PRKG1: variants seen among roughly 807,000 people sequenced by gnomAD.
PRKG1 encodes the protein protein kinase cGMP-dependent 1.
Under a neutral mutation model 88.1 loss-of-function variants are expected in PRKG1, and 35 were observed. The observed-to-expected ratio is 0.40, with a 90% CI of 0.30 to 0.53. The LOEUF is 0.53. Ranked by LOEUF, PRKG1 falls within the 20% of genes least tolerant of loss-of-function variation. The probability of loss-of-function intolerance (pLI) is 0.59; values close to 1 mark genes in which losing one functional copy is unlikely to be tolerated. For synonymous variants in PRKG1, 303 were observed against 292.5 expected (o/e 1.04, Z -0.37); for missense variants, 540 against 839.8 (o/e 0.64, Z 4.41).
At chr10:52,154,919 C>A (rs1838048862) in intron 8 of PRKG1, among the ~76,000 whole-genome samples, 1 of 152,130 alleles carries the variant, frequency 6.6e-6, no homozygotes, top group Admixed American at 6.6e-5. Flanking sequence ...TGAGTTACCT[C>A]ACTTAGAATA....
intron 4 of PRKG1, among the ~76,000 whole-genome samples, chr10:51,855,187 C>A (rs1840649203): frequency 6.6e-6 from 1 of 152,100 alleles, no homozygotes. Context: ...TTCAAAGGAT[C>A]CTGCTGTACT....
intron 3 of PRKG1, among the ~76,000 whole-genome samples, chr10:51,731,876 C>A (rs1349636885): frequency 6.7e-6 from 1 of 150,334 alleles, no homozygotes; most frequent in African/African-American, 2.4e-5. Context: ...GGATTGGTTT[C>A]TTCTGAGGCC....
intron 1 of PRKG1, among the ~76,000 whole-genome samples, chr10:50,992,277 A>G (rs535742061): frequency 6.6e-6 from 1 of 152,270 alleles, no homozygotes; most frequent in South Asian, 2.1e-4. Flanking sequence ...GGAGAGGTTT[A>G]TTCACAGGGT....
rs532815967 is a variant in PRKG1, at chr10:51,768,009, TA to T, written c.593-36566del. On this transcript the variant is annotated intron_variant, in intron 3 of 17. Coordinates refer to ENST00000373980, the MANE Select transcript of PRKG1 (RefSeq NM_006258.4). ...TAGGTAAAGGCATTTTGCTGTTAAT[TA>T]AAAAAAAAATAAATAAATAAAAAAA... 3.4e-3 allele frequency among the ~76,000 whole-genome samples: 494 copies of T among 146,142 alleles called. 2 individuals carry two copies. Among genetic ancestry groups the T allele is most frequent in the African/African-American group, 9.9e-3 (382 of 38,410 alleles).
chr10:51,060,149 GATTAT>G (rs938372576), intron 1 of PRKG1, among the ~76,000 whole-genome samples: 193 of 151,924 alleles, frequency 1.3e-3, no homozygotes, highest in African/African-American at 4.5e-3. Flanking sequence ...TTTGTGTTTG[GATTAT>G]ATTTACCATT....
At chr10:51,658,598 A>C (rs1840219867) in intron 3 of PRKG1, among the ~76,000 whole-genome samples, 1 of 152,076 alleles carries the variant, frequency 6.6e-6, no homozygotes, top group Non-Finnish European at 1.5e-5. Context: ...AATTCATCTA[A>C]AACTCATTCT....
chr10:51,793,037 GA>G (rs1024539766), intron 3 of PRKG1, among the ~76,000 whole-genome samples: 14 of 129,480 alleles, frequency 1.1e-4, no homozygotes, highest in Non-Finnish European at 1.3e-4. Flanking sequence ...ATTATTAAGT[GA>G]AAAAAAAAGG....
chr10:51,098,081 C>A (rs1426743494), intron 1 of PRKG1, among the ~76,000 whole-genome samples: 1 of 152,130 alleles, frequency 6.6e-6, no homozygotes, highest in Non-Finnish European at 1.5e-5. Context: ...TCATTAATTT[C>A]TCTTTTATTA....
rs549910335 is a variant in PRKG1, at chr10:51,688,924, G to A, written c.593-115661G>A. 1.6e-4 allele frequency among the ~76,000 whole-genome samples: 24 copies of A among 152,166 alleles called. No individual in the cohort carries two copies. In the South Asian group the frequency reaches 4.8e-3, roughly 30 times the overall value. On this transcript the variant is annotated intron_variant, in intron 3 of 17. Coordinates refer to ENST00000373980, the MANE Select transcript of PRKG1 (RefSeq NM_006258.4). ...CATGTGTTGTGGGAGGTACCTGGTGGGAGATGACTGAATCATGGGGGTGGT... is the reference window on the plus strand; with the variant it reads ...CATGTGTTGTGGGAGGTACCTGGTGAGAGATGACTGAATCATGGGGGTGGT...
At chr10:51,723,554 T>C (rs912662288) in intron 3 of PRKG1, among the ~76,000 whole-genome samples, 8 of 151,986 alleles carry the variant, frequency 5.3e-5, no homozygotes, top group African/African-American at 9.7e-5. Flanking sequence ...CAAACCACCA[T>C]GGCATGTGTA....
chr10:52,219,430 T>C (rs963660382), intron 9 of PRKG1, among the ~76,000 whole-genome samples: 2 of 152,174 alleles, frequency 1.3e-5, no homozygotes, highest in Non-Finnish European at 2.9e-5. Flanking sequence ...TGAGGTAGGA[T>C]ATAAATATTA....
intron 3 of PRKG1, among the ~76,000 whole-genome samples, chr10:51,496,013 T>G (rs1367748786): frequency 6.6e-6 from 1 of 152,200 alleles, no homozygotes; most frequent in South Asian, 2.1e-4. Context: ...TACCTTAGAT[T>G]TTTTTAACCA....
chr10:51,303,070 T>G (rs1053607345), intron 2 of PRKG1, among the ~76,000 whole-genome samples: 8 of 152,034 alleles, frequency 5.3e-5, no homozygotes, highest in Non-Finnish European at 1.0e-4. Flanking sequence ...TTAAGATTGG[T>G]TTGAAAACTG....
At chr10:51,555,986 G>A (rs1837300159) in intron 3 of PRKG1, among the ~76,000 whole-genome samples, 3 of 151,788 alleles carry the variant, frequency 2.0e-5, no homozygotes, top group Non-Finnish European at 4.4e-5. Context: ...AAAGAAAGGG[G>A]GAACAGAGAA....
intron 3 of PRKG1, among the ~76,000 whole-genome samples, chr10:51,722,754 A>G (rs1387748426): frequency 2.0e-5 from 3 of 152,248 alleles, no homozygotes; most frequent in Non-Finnish European, 4.4e-5. Flanking sequence ...ATTTATATTT[A>G]GAATTCTATC....
At chr10:51,265,871 A>C (rs57636490) in intron 2 of PRKG1, among the ~76,000 whole-genome samples, 5,787 of 152,232 alleles carry the variant, frequency 0.038, 353 homozygotes, top group African/African-American at 0.13. Flanking sequence ...AGAGAGCAGC[A>C]CTGGAAAACT....
chr10:52,286,097 T>C (rs1842110842), intron 14 of PRKG1, among the ~76,000 whole-genome samples: 1 of 152,006 alleles, frequency 6.6e-6, no homozygotes. Flanking sequence ...GAGAAACTGA[T>C]TCAGAATAAT....
At chr10:51,686,903 T>A (rs1182009091) in intron 3 of PRKG1, among the ~76,000 whole-genome samples, 1 of 152,052 alleles carries the variant, frequency 6.6e-6, no homozygotes, top group Non-Finnish European at 1.5e-5. Flanking sequence ...GCCCGGCTAA[T>A]TTTTTGTATT....
rs945334815 is a variant in PRKG1 at position 51,933,802 on chromosome 10, TAAG to T, written c.762+26243_762+26245del. Among the ~76,000 whole-genome samples, 251 of 152,206 alleles carry T rather than the reference TAAG, an allele frequency of 1.6e-3. 1 individual carries two copies. The highest frequency in any genetic ancestry group is 6.8e-3 in the Middle Eastern group (2 of 294). On this transcript the variant is annotated intron_variant, in intron 5 of 17. Transcript: ENST00000373980. ...TAATAACTTTTAGCTACTTTAATAA[TAAG>T]AAGAAGAAGATTTTACATTGCTTTC...
Sources: allele counts gnomAD v4.1 joint callset (sites outside exome capture counted in the v4.1 genomes callset), GRCh38; gene constraint gnomAD v4.1.1; transcripts MANE v1.5; gene names NCBI Gene and HGNC (gene_info 2026-07-23, HGNC 2026-07-21).